The following ENTHD1 variants were observed in gnomAD, a reference collection of about 807,000 sequenced individuals.
The protein encoded by ENTHD1 is ENTH domain-containing protein 1.
A neutral mutation model predicts 39.1 loss-of-function variants in ENTHD1; 23 were observed. That is an observed-to-expected ratio of 0.59 (90% CI 0.42 to 0.83). The LOEUF is 0.83. ENTHD1 is among the 40% of genes least tolerant of loss of function. The pLI is 0.00. For synonymous variants in ENTHD1, 230 were observed against 258.2 expected (o/e 0.89, Z 1.05); for missense variants, 624 against 705.4 (o/e 0.88, Z 1.31).
chr22:39,787,840 A>C (rs1356892258), intron 5 of ENTHD1, among the ~76,000 whole-genome samples: 3 of 152,214 alleles, frequency 2.0e-5, no homozygotes, highest in African/African-American at 7.2e-5. Flanking sequence ...AAGATTAGAT[A>C]ATTGATGATG....
At position 39,758,583 on chromosome 22, in the gene ENTHD1, C is replaced by A. The variant is rs113399060; in HGVS notation, c.1219+6640G>T. Among the ~76,000 whole-genome samples the A allele has an allele frequency of 2.9e-4, 44 of 152,170 alleles. 1 individual carries two copies. Among genetic ancestry groups the A allele is most frequent in the African/African-American group, 9.6e-4 (40 of 41,516 alleles). ...GGGATTACAGGCGCATGCCACCATG[C>A]CTGGCTAATGTTTTAAATTTTTTGT... On this transcript the variant is annotated intron_variant, in intron 6 of 6. Coordinates refer to ENST00000325157, the MANE Select transcript of ENTHD1 (RefSeq NM_152512.4).
chr22:39,754,439 C>T (rs893705900), intron 6 of ENTHD1, among the ~76,000 whole-genome samples: 6 of 152,212 alleles, frequency 3.9e-5, no homozygotes, highest in Non-Finnish European at 7.3e-5. Context: ...TGTTCTAAAC[C>T]TAAGCGTTCT....
At chr22:39,829,392 AAT>A (rs1032047943) in intron 4 of ENTHD1, among the ~76,000 whole-genome samples, 3 of 152,118 alleles carry the variant, frequency 2.0e-5, no homozygotes, top group African/African-American at 7.2e-5. Context: ...AAAAAAAAAA[AAT>A]AGGTGACTAT....
intron 3 of ENTHD1, among the ~76,000 whole-genome samples, chr22:39,837,170 G>A (rs1175532259): frequency 6.6e-6 from 1 of 152,068 alleles, no homozygotes; most frequent in Non-Finnish European, 1.5e-5. Context: ...CTCTATCTCA[G>A]CATATCATTG....
chr22:39,756,705 C>T (rs940574043), intron 6 of ENTHD1, among the ~76,000 whole-genome samples: 3 of 152,036 alleles, frequency 2.0e-5, no homozygotes, highest in Non-Finnish European at 4.4e-5. Context: ...AGTTAAGTAC[C>T]ACAGCAATGA....
intron 5 of ENTHD1, among the ~76,000 whole-genome samples, chr22:39,801,280 C>G (rs1431157963): frequency 2.0e-5 from 3 of 152,202 alleles, no homozygotes; most frequent in African/African-American, 7.2e-5. Flanking sequence ...CATGGCTGAG[C>G]TCTGTAATTG....
Position 39,744,099 on chromosome 22 carries a change from C to A in ENTHD1, c.1404G>T (p.Leu468=), listed in dbSNP as rs992713516. The A allele has an allele frequency of 2.5e-6, 4 of 1,614,124 alleles. No individual in the cohort carries two copies. Among genetic ancestry groups the A allele is most frequent in the Non-Finnish European group, 2.5e-6 (3 of 1,179,990 alleles). ...SFKDEDKTAK[L]HHSFASRGPV... ...GGCCCCTAGAAGCAAAGGAGTGATG[C>A]AGCTTGGCTGTCTTATCTTCATCTT... is the stretch of plus-strand genomic sequence containing the variant. The change falls in exon 7 of 7, where the codon CTG becomes CTT. Residue 468 remains leucine (L), a synonymous_variant. Coordinates refer to ENST00000325157, the MANE Select transcript of ENTHD1 (RefSeq NM_152512.4).
At chr22:39,821,720 T>A (rs1684368286) in intron 4 of ENTHD1, among the ~76,000 whole-genome samples, 1 of 152,220 alleles carries the variant, frequency 6.6e-6, no homozygotes, top group Admixed American at 6.5e-5. Context: ...GAGTGGCTTA[T>A]AAACAACAGA....
chr22:39,792,694 T>C (rs1258763949), intron 5 of ENTHD1, among the ~76,000 whole-genome samples: 1 of 152,134 alleles, frequency 6.6e-6, no homozygotes, highest in Non-Finnish European at 1.5e-5. Context: ...CTTTCTCTAT[T>C]GCAATTTCCC....
intron 6 of ENTHD1, chr22:39,750,921 G>T (rs1194553044): frequency 6.4e-6 from 1 of 156,068 alleles, no homozygotes; most frequent in Non-Finnish European, 1.4e-5. Flanking sequence ...CAGCACCCAG[G>T]TGCTAGTATA....
chr22:39,753,903 C>A (rs1388973623), intron 6 of ENTHD1, among the ~76,000 whole-genome samples: 1 of 152,188 alleles, frequency 6.6e-6, no homozygotes, highest in Non-Finnish European at 1.5e-5. Flanking sequence ...ACTGAGAGAA[C>A]AGATGCAACG....
chr22:39,840,391 C>T (rs2065934664), intron 3 of ENTHD1, among the ~76,000 whole-genome samples: 1 of 152,182 alleles, frequency 6.6e-6, no homozygotes, highest in South Asian at 2.1e-4. Flanking sequence ...TGTGAACCCT[C>T]CGATATTTCT....
intron 5 of ENTHD1, among the ~76,000 whole-genome samples, chr22:39,820,705 TG>T (rs1227942150): frequency 6.6e-6 from 1 of 151,856 alleles, no homozygotes; most frequent in Non-Finnish European, 1.5e-5. Flanking sequence ...AAATTCTTTA[TG>T]AAAAAAAACA....
At position 39,765,176 on chromosome 22, in the gene ENTHD1, TTGTGTGTGTGTG is replaced by T. The variant is rs71326782; in HGVS notation, c.1219+35_1219+46del. 1.1e-4 allele frequency: 157 copies of T among 1,403,018 alleles called. 1 individual carries two copies. The highest frequency in any genetic ancestry group is 4.4e-4 in the South Asian group (28 of 63,984). The allele number at this position is 1,403,018 out of a possible 1,614,324, so 86.9% of individuals were successfully genotyped here. ...ATAATGCTTCAAAAGAGGTTTTTTG[TTGTGTGTGTGTG>T]TGTGTGTGTGTGTGTGTGTGTTTGG... On this transcript the variant is annotated intron_variant, in intron 6 of 6. Transcript: ENST00000325157.
chr22:39,793,649 C>T (rs1314082917), intron 5 of ENTHD1, among the ~76,000 whole-genome samples: 3 of 151,066 alleles, frequency 2.0e-5, no homozygotes, highest in East Asian at 1.9e-4. Flanking sequence ...CTCTTTAATC[C>T]GGGGTCTAGT....
chr22:39,888,782 G>A (rs2066404597), intron 1 of ENTHD1, among the ~76,000 whole-genome samples: 1 of 150,150 alleles, frequency 6.7e-6, no homozygotes. Context: ...TGTTGCACAG[G>A]CTGTTCAAAA....
chr22:39,765,982 A>G (rs1366775744), intron 5 of ENTHD1, among the ~76,000 whole-genome samples: 1 of 134,138 alleles, frequency 7.5e-6, no homozygotes, highest in Non-Finnish European at 1.5e-5. Flanking sequence ...AAAATATGCC[A>G]CATCATACTG....
chr22:39,872,743 T>A (rs185050038), intron 2 of ENTHD1, among the ~76,000 whole-genome samples: 4 of 152,180 alleles, frequency 2.6e-5, no homozygotes, highest in Admixed American at 2.0e-4. Context: ...AATCGGTCAT[T>A]AGTATAAATG....
At chr22:39,866,385 A>T (rs925534119) in intron 2 of ENTHD1, among the ~76,000 whole-genome samples, 2 of 152,262 alleles carry the variant, frequency 1.3e-5, no homozygotes, top group Non-Finnish European at 2.9e-5. Context: ...CACTTGTGAC[A>T]CTTACATTGT....
Sources: allele counts gnomAD v4.1 joint callset (sites outside exome capture counted in the v4.1 genomes callset), GRCh38; gene constraint gnomAD v4.1.1; transcripts MANE v1.5; gene names NCBI Gene and HGNC (gene_info 2026-07-23, HGNC 2026-07-21).